The following CMTM2 variants were observed in gnomAD, a reference collection of about 807,000 sequenced individuals.
CMTM2 encodes CKLF like MARVEL transmembrane domain containing 2.
CMTM2 carries 15 observed loss-of-function variants against 16.8 expected under a neutral mutation model. That is an observed-to-expected ratio of 0.89 (90% confidence interval 0.60 to 1.37). The LOEUF (loss-of-function observed/expected upper bound fraction) is 1.37, where lower values mean the gene tolerates loss of function less well. CMTM2 is among the 40% of genes most tolerant of loss of function. CMTM2 has a pLI of 0.00. For synonymous variants in CMTM2, 117 were observed against 118.7 expected (o/e 0.99, Z 0.09); for missense variants, 282 against 318.0 (o/e 0.89, Z 0.86).
Position 66,580,176 on chromosome 16 carries a change from C to T in CMTM2, c.436C>T (p.Pro146Ser). 1 of 1,614,138 alleles carries T rather than the reference C, an allele frequency of 6.2e-7. No homozygotes were observed. Among genetic ancestry groups the T allele is most frequent in the Non-Finnish European group, 8.5e-7 (1 of 1,180,008 alleles). The change falls in exon 2 of 4, where the codon CCC becomes TCC. Residue 146 changes from proline to serine, a missense_variant. Transcript: ENST00000268595. ...IHRYIPFILW[P>S]ISDLFNDLIA... Reference sequence around the variant, plus strand: ...TAGATACATACCCTTCATCCTGTGGCCCATTTCTGTAAGTAAGGGGTGATG... The same window carrying T: ...TAGATACATACCCTTCATCCTGTGGTCCATTTCTGTAAGTAAGGGGTGATG...
At position 66,579,827 on chromosome 16, in the gene CMTM2, G is replaced by C. The variant is rs769598007; in HGVS notation, c.220G>C (p.Glu74Gln). 6.1e-5 allele frequency: 98 copies of C among 1,610,960 alleles called. No homozygotes were observed. Among genetic ancestry groups the C allele is most frequent in the Non-Finnish European group, 8.0e-5 (94 of 1,178,318 alleles). The part of the protein sequence containing the change: ...TRRGCRRYRW[E>Q]LKDSNKEFWL... ...GAGGGGGTGTCGCCGCTACCGGTGG[G>C]AATTAAAAGACAGCAATAAAGAGTT... Residue 74 changes from glutamate (E) to glutamine (Q), a missense_variant, in exon 1 of 4, where the codon GAA (glutamate) becomes CAA (glutamine). Glu to Gln is a conservative substitution (Grantham distance 29, BLOSUM62 2). Transcript: ENST00000268595. This position sits in a 1 kb window ranked among gnomAD's most constrained non-coding sequence, Gnocchi z 6.5.
At chr16:66,586,929 C>G (rs2014799592) in intron 2 of CMTM2, 68 bp from the exon 3 acceptor site, 6 of 1,062,586 alleles carry the variant, frequency 5.6e-6, no homozygotes, top group Non-Finnish European at 8.8e-6. Flanking sequence ...AGGAAGCTAG[C>G]CAGGGTGCAG....
At chr16:66,580,257 CCAAA>C (rs1433777045) in intron 2 of CMTM2, 73 bp downstream of exon 2, 17 of 1,509,982 alleles carry the variant, frequency 1.1e-5, no homozygotes, top group African/African-American at 5.5e-5. Context: ...TGGAAAGTCA[CCAAA>C]CAGAGAGACA....
At position 66,579,893 on chromosome 16, in the gene CMTM2, G is replaced by A. The variant is rs2014691898; in HGVS notation, c.285+1G>A. 6.2e-7 allele frequency: 1 copy of A among 1,610,314 alleles called. No individual in the cohort carries two copies. Among genetic ancestry groups the A allele is most frequent in the Non-Finnish European group, 8.5e-7 (1 of 1,177,548 alleles). On this transcript the variant is annotated splice_donor_variant, in intron 1 of 3. Transcript: ENST00000268595. LOFTEE classifies it high-confidence loss of function. This position sits in a 1 kb window ranked among gnomAD's most constrained non-coding sequence, Gnocchi z 6.5. Reference sequence around the variant, plus strand: ...CGCTGAGATCAAGATTCGGAGTTTGGTGAGCTAAACTGGTATCCCTGGGTG... The same window carrying A: ...CGCTGAGATCAAGATTCGGAGTTTGATGAGCTAAACTGGTATCCCTGGGTG...
intron 2 of CMTM2, among the ~76,000 whole-genome samples, chr16:66,582,076 C>A (rs1210870101): frequency 2.0e-5 from 3 of 152,018 alleles, no homozygotes; most frequent in African/African-American, 7.3e-5. Context: ...TCAACAAACA[C>A]AACAAATGGA....
intron 2 of CMTM2, among the ~76,000 whole-genome samples, chr16:66,584,418 C>A (rs543390998): frequency 1.3e-5 from 2 of 152,144 alleles, no homozygotes; most frequent in Non-Finnish European, 2.9e-5. Flanking sequence ...TACACACGCA[C>A]GCATCAAAGA....
intron 3 of CMTM2, among the ~76,000 whole-genome samples, chr16:66,587,599 G>A (rs1343637945): frequency 1.3e-5 from 2 of 151,950 alleles, no homozygotes; most frequent in African/African-American, 4.8e-5. Context: ...TGTTTCCAAC[G>A]GAACCACCAT....
chr16:66,581,743 G>A (rs1311108820), intron 2 of CMTM2, among the ~76,000 whole-genome samples: 1 of 152,326 alleles, frequency 6.6e-6, no homozygotes, highest in East Asian at 1.9e-4. Context: ...AGCTTTGAGT[G>A]GGCGGAGAGG....
chr16:66,579,923 GC>G lies in CMTM2; in HGVS notation c.285+33del. ...CTAAACTGGTATCCCTGGGTGGGGGGCCTTGGCCGAGGGTGGGGGGAAGGAG... is the reference window on the plus strand; with the variant it reads ...CTAAACTGGTATCCCTGGGTGGGGGGCTTGGCCGAGGGTGGGGGGAAGGAG... On this transcript the variant is annotated intron_variant, in intron 1 of 3. Transcript: ENST00000268595. This position sits in a 1 kb window ranked among gnomAD's most constrained non-coding sequence, Gnocchi z 6.5. The G allele has an allele frequency of 6.2e-7, 1 of 1,602,988 alleles. No homozygotes were observed. Among genetic ancestry groups the G allele is most frequent in the Non-Finnish European group, 8.5e-7 (1 of 1,171,256 alleles).
At chr16:66,585,004 T>C (rs71392152) in intron 2 of CMTM2, among the ~76,000 whole-genome samples, 5 of 149,528 alleles carry the variant, frequency 3.3e-5, no homozygotes, top group African/African-American at 7.5e-5. Context: ...TGGAGTGCAA[T>C]GGCGCAATCT....
chr16:66,581,008 A>G, intron 2 of CMTM2, among the ~76,000 whole-genome samples: 1 of 151,980 alleles, frequency 6.6e-6, no homozygotes, highest in East Asian at 1.9e-4. Flanking sequence ...TCACTGTTTC[A>G]CTCACGTTAC....
rs751207201 is a variant in CMTM2 at position 66,579,779 on chromosome 16, C to A, written c.172C>A (p.Pro58Thr). The A allele has an allele frequency of 6.2e-7, 1 of 1,613,680 alleles. No homozygotes were observed. Among genetic ancestry groups the A allele is most frequent in the East Asian group, 2.2e-5 (1 of 44,856 alleles). ...PSDKPQKAVQ[P>T]KHEVGTRRGC... ...GGACAAACCTCAAAAGGCGGTGCAG[C>A]CCAAGCACGAAGTGGGCACGAGGAG... Residue 58 changes from proline to threonine, a missense_variant, in exon 1 of 4, where the codon CCC becomes ACC. Transcript: ENST00000268595. This position sits in a 1 kb window ranked among gnomAD's most constrained non-coding sequence, Gnocchi z 6.5.
intron 2 of CMTM2, among the ~76,000 whole-genome samples, chr16:66,581,985 G>T (rs979184311): frequency 2.6e-5 from 4 of 151,746 alleles, no homozygotes; most frequent in Non-Finnish European, 5.9e-5. Flanking sequence ...CAGTGGGGGT[G>T]GGGGGAAAAC....
chr16:66,583,125 A>G (rs1439732111), intron 2 of CMTM2, among the ~76,000 whole-genome samples: 1 of 152,232 alleles, frequency 6.6e-6, no homozygotes, highest in Non-Finnish European at 1.5e-5. Context: ...ACTAGAACTG[A>G]TTGAGTTCCA....
intron 2 of CMTM2, among the ~76,000 whole-genome samples, chr16:66,583,349 A>G (rs1486945348): frequency 2.6e-5 from 4 of 152,012 alleles, no homozygotes; most frequent in African/African-American, 7.2e-5. Flanking sequence ...AAAATTAACC[A>G]GGCATGGAGG....
chr16:66,584,646 T>A (rs903393290), intron 2 of CMTM2, among the ~76,000 whole-genome samples: 12 of 152,134 alleles, frequency 7.9e-5, no homozygotes, highest in Middle Eastern at 3.2e-3. Context: ...CAGAAATAGA[T>A]CTACAAACAT....
At chr16:66,580,798 G>C (rs1269846243) in intron 2 of CMTM2, 2 of 152,522 alleles carry the variant, frequency 1.3e-5, no homozygotes, top group Non-Finnish European at 2.9e-5. Flanking sequence ...CACATTCCTT[G>C]CAGAACTGAC....
intron 2 of CMTM2, among the ~76,000 whole-genome samples, chr16:66,581,803 G>A (rs1204113714): frequency 6.6e-6 from 1 of 152,174 alleles, no homozygotes; most frequent in Non-Finnish European, 1.5e-5. Context: ...TGTACAGATT[G>A]GAGTTTGAAT....
At chr16:66,587,245 G>A in intron 3 of CMTM2, 147 bp downstream of exon 3, 1 of 683,366 alleles carries the variant, frequency 1.5e-6, no homozygotes, top group Non-Finnish European at 2.5e-6. Flanking sequence ...AGTAGGCCGG[G>A]TGCAGTGGTT....
Sources: allele counts gnomAD v4.1 joint callset (sites outside exome capture counted in the v4.1 genomes callset), GRCh38; gene constraint gnomAD v4.1.1; non-coding constraint Gnocchi (gnomAD v3.1); transcripts MANE v1.5; gene names NCBI Gene and HGNC (gene_info 2026-07-23, HGNC 2026-07-21).